The following DOCK3 variants were observed in gnomAD, a reference collection of about 807,000 sequenced individuals.
DOCK3 encodes dedicator of cytokinesis 3.
Under a neutral mutation model 265.6 loss-of-function variants are expected in DOCK3, and 60 were observed. The ratio of observed to expected loss-of-function variants is 0.23; its 90% CI spans 0.18 to 0.28. The LOEUF is 0.28. Ranked by LOEUF, DOCK3 falls within the 10% of genes least tolerant of loss-of-function variation. The probability of loss-of-function intolerance (pLI) is 1.00; values close to 1 mark genes in which losing one functional copy is unlikely to be tolerated. For synonymous variants in DOCK3, 881 were observed against 938.0 expected, an observed-to-expected ratio of 0.94 and a Z score of 1.11; for missense variants, 1,981 against 2,594.3, an observed-to-expected ratio of 0.76 and a Z score of 5.14.
chr3:51,318,081 C>G (rs1001922597), intron 32 of DOCK3, among the ~76,000 whole-genome samples: 4 of 152,004 alleles, frequency 2.6e-5, no homozygotes, highest in African/African-American at 9.7e-5. Flanking sequence ...TGCAGTGATT[C>G]TATAAATCAA....
chr3:51,360,635 A>G lies in DOCK3; in HGVS notation c.5006+3A>G. On this transcript the variant is annotated splice_donor_region_variant and intron_variant, in intron 47 of 52. Transcript: ENST00000266037. ...ATCAAGATGACCCACCGGCACAGGT[A>G]TGGCCTTAGGGCTGGGGAGGGTTCC... is the stretch of plus-strand genomic sequence containing the variant. 6.2e-7 allele frequency: 1 copy of G among 1,613,832 alleles called. No homozygotes were observed. The highest frequency in any genetic ancestry group is 8.5e-7 in the Non-Finnish European group (1 of 1,179,824).
At chr3:51,195,824 G>A (rs868221212) in intron 12 of DOCK3, among the ~76,000 whole-genome samples, 1 of 152,112 alleles carries the variant, frequency 6.6e-6, no homozygotes, top group Non-Finnish European at 1.5e-5. Context: ...AATCCCCTTA[G>A]TATTTGCTTG....
At chr3:51,309,583 G>A (rs979385912) in intron 27 of DOCK3, among the ~76,000 whole-genome samples, 1 of 152,136 alleles carries the variant, frequency 6.6e-6, no homozygotes, top group Non-Finnish European at 1.5e-5. Context: ...GGAAAGAGAG[G>A]GAGAGGGAGA....
rs1358716678 is a variant in DOCK3 at position 51,359,617 on chromosome 3, C to T, written c.4885-894C>T. 6.6e-6 allele frequency among the ~76,000 whole-genome samples: 1 copy of T among 152,216 alleles called. No individual in the cohort carries two copies. Among genetic ancestry groups the T allele is most frequent in the African/African-American group, 2.4e-5 (1 of 41,454 alleles). On this transcript the variant is annotated intron_variant, in intron 46 of 52. Coordinates refer to ENST00000266037, the MANE Select transcript of DOCK3 (RefSeq NM_004947.5). This position sits in a 1 kb window ranked among gnomAD's most constrained non-coding sequence, Gnocchi z 4.8. ...TGACCCAAGCAGGCTGGAGCCTGGC[C>T]AGTGAGGAGGTTCTCTGCCATGTGG...
chr3:50,769,933 A>G (rs1399320778), intron 1 of DOCK3, among the ~76,000 whole-genome samples: 1 of 152,170 alleles, frequency 6.6e-6, no homozygotes, highest in Non-Finnish European at 1.5e-5. Flanking sequence ...ATGATCTTAT[A>G]TATTGAAAAC....
intron 19 of DOCK3, among the ~76,000 whole-genome samples, chr3:51,233,605 G>T (rs2078231677): frequency 6.6e-6 from 1 of 152,138 alleles, no homozygotes; most frequent in Non-Finnish European, 1.5e-5. Context: ...CTGACCTAAA[G>T]TGATCCTCCC....
At chr3:50,975,218 CA>C (rs1207552841) in intron 5 of DOCK3, among the ~76,000 whole-genome samples, 3 of 148,108 alleles carry the variant, frequency 2.0e-5, no homozygotes, top group African/African-American at 4.9e-5. Context: ...TGTCTTGTGC[CA>C]GTTTTCAAAG....
intron 1 of DOCK3, among the ~76,000 whole-genome samples, chr3:50,763,560 G>C (rs976808683): frequency 2.6e-5 from 4 of 152,134 alleles, no homozygotes; most frequent in African/African-American, 9.7e-5. Context: ...TGGGATTACA[G>C]GTGTGAGCCA....
chr3:51,166,285 A>G (rs1254348055), intron 12 of DOCK3, among the ~76,000 whole-genome samples: 2 of 152,088 alleles, frequency 1.3e-5, no homozygotes, highest in Non-Finnish European at 2.9e-5. Flanking sequence ...TCCTGACCTC[A>G]GATGATCCGC....
intron 5 of DOCK3, among the ~76,000 whole-genome samples, chr3:51,041,222 TTTTTTTTTTTTTTG>T (rs2080518445): frequency 1.2e-5 from 1 of 86,802 alleles, no homozygotes; most frequent in African/African-American, 5.6e-5. Context: ...TTTTTTTTTT[TTTTTTTTTTTTTTG>T]AGACAGAGTT....
intron 2 of DOCK3, among the ~76,000 whole-genome samples, chr3:50,782,219 G>A (rs1027462087): frequency 1.3e-5 from 2 of 151,210 alleles, no homozygotes; most frequent in South Asian, 2.1e-4. Context: ...CACAATGGTT[G>A]AACTAATTTA....
intron 2 of DOCK3, among the ~76,000 whole-genome samples, chr3:50,836,397 A>G (rs770405413): frequency 3.3e-5 from 5 of 152,162 alleles, no homozygotes; most frequent in Non-Finnish European, 5.9e-5. Context: ...TGTAGGGCCA[A>G]TACCATGTAG....
chr3:51,266,134 A>C (rs887198149), intron 23 of DOCK3, among the ~76,000 whole-genome samples: 5 of 152,110 alleles, frequency 3.3e-5, no homozygotes, highest in Non-Finnish European at 7.4e-5. Flanking sequence ...ATATGAAGGA[A>C]CTCTTGAAGG....
At chr3:50,957,295 C>G (rs1332436196) in intron 5 of DOCK3, among the ~76,000 whole-genome samples, 2 of 152,258 alleles carry the variant, frequency 1.3e-5, no homozygotes, top group South Asian at 2.1e-4. Context: ...GAGCCAGGTA[C>G]TGATATTGAA....
rs1301824411 is a variant in DOCK3, at chr3:51,218,236, C to A, written c.1252+3989C>A. 3.3e-5 allele frequency among the ~76,000 whole-genome samples: 5 copies of A among 152,164 alleles called. 1 individual carries two copies. Among genetic ancestry groups the A allele is most frequent in the Admixed American group, 3.3e-4 (5 of 15,280 alleles). ...ATCACCTGAGGCCAGACGTTCAAGA[C>A]CAGCCTGGCCAATATGGTGAGACCC... On this transcript the variant is annotated intron_variant, in intron 14 of 52. Transcript: ENST00000266037.
chr3:51,009,332 T>C (rs1417623242), intron 5 of DOCK3, among the ~76,000 whole-genome samples: 2 of 152,232 alleles, frequency 1.3e-5, no homozygotes, highest in Admixed American at 1.3e-4. Context: ...AACTTCTTCC[T>C]GGTTTAGTCT....
At chr3:51,240,063 C>G (rs767778207) in intron 21 of DOCK3, among the ~76,000 whole-genome samples, 1 of 152,114 alleles carries the variant, frequency 6.6e-6, no homozygotes, top group Non-Finnish European at 1.5e-5. Context: ...ATCTTTCTAA[C>G]TTTTTGATTT....
At chr3:51,024,212 A>G (rs115594777) in intron 5 of DOCK3, among the ~76,000 whole-genome samples, 6,608 of 152,170 alleles carry the variant, frequency 0.043, 187 homozygotes, top group Non-Finnish European at 0.067. Context: ...GTTATTATGT[A>G]CTTGGTGTGT....
rs1204800289 is a variant in DOCK3 at position 50,742,740 on chromosome 3, G to A, written c.38-35935G>A. On this transcript the variant is annotated intron_variant, in intron 1 of 52. Transcript: ENST00000266037. Reference sequence around the variant, plus strand: ...TCTGATTGGTGTACCTGAAAGTGACGGGGAGAATGGAACCAAGTTGGAAAA... The same window carrying A: ...TCTGATTGGTGTACCTGAAAGTGACAGGGAGAATGGAACCAAGTTGGAAAA... Among the ~76,000 whole-genome samples the A allele has an allele frequency of 7.4e-4, 112 of 152,084 alleles. 1 individual carries two copies. The East Asian group carries it at 0.019, about 26-fold the overall frequency.
Sources: allele counts gnomAD v4.1 joint callset (sites outside exome capture counted in the v4.1 genomes callset), GRCh38; gene constraint gnomAD v4.1.1; non-coding constraint Gnocchi (gnomAD v3.1); transcripts MANE v1.5; gene names NCBI Gene and HGNC (gene_info 2026-07-23, HGNC 2026-07-21).